MYRIP: variants seen among roughly 807,000 people sequenced by gnomAD.
MYRIP encodes the protein rab effector MyRIP.
In MYRIP, 49 loss-of-function variants were observed where a neutral mutation model predicts 98.0. The ratio of observed to expected loss-of-function variants is 0.50; its 90% CI spans 0.40 to 0.63. MYRIP has a LOEUF of 0.63. Ranked by LOEUF, MYRIP falls within the 30% of genes least tolerant of loss-of-function variation. The pLI, the probability that MYRIP is intolerant of heterozygous loss-of-function variation, is 0.00. For missense variants in MYRIP, 1,004 were observed against 1,058.2 expected, an observed-to-expected ratio of 0.95 and a Z score of 0.71; for synonymous variants, 404 against 409.5, an observed-to-expected ratio of 0.99 and a Z score of 0.16.
At chr3:40,227,387 ACTCTCTCT>A (rs139915991) in intron 11 of MYRIP, among the ~76,000 whole-genome samples, 2 of 143,082 alleles carry the variant, frequency 1.4e-5, no homozygotes, top group African/African-American at 5.2e-5. Context: ...ATGGAAATGT[ACTCTCTCT>A]CTCTCTCTCT....
At chr3:39,889,488 A>G (rs1417319123) in intron 1 of MYRIP, among the ~76,000 whole-genome samples, 1 of 152,128 alleles carries the variant, frequency 6.6e-6, no homozygotes, top group African/African-American at 2.4e-5. Flanking sequence ...ATGAGAACAC[A>G]TGGACACAGG....
At chr3:40,052,188 C>T (rs1947807084) in intron 3 of MYRIP, among the ~76,000 whole-genome samples, 1 of 151,958 alleles carries the variant, frequency 6.6e-6, no homozygotes, top group African/African-American at 2.4e-5. Flanking sequence ...TCCCTTCCTC[C>T]TCACTTCCTT....
rs183777061 is a variant in MYRIP, at chr3:40,159,404, C to T, written c.470-3326C>T. On this transcript the variant is annotated intron_variant, in intron 4 of 16. Transcript: ENST00000302541. ...GGCTTCCCTTTGAGGGTAACTGGAC[C>T]TTTCTCTCTGGCTGCCCTTAACATT... Among the ~76,000 whole-genome samples the T allele has an allele frequency of 1.9e-4, 29 of 152,252 alleles. No individual in the cohort carries two copies. In the East Asian group the frequency reaches 5.2e-3, roughly 27 times the overall value.
intron 2 of MYRIP, among the ~76,000 whole-genome samples, chr3:40,005,853 T>C (rs888930170): frequency 5.9e-5 from 9 of 152,220 alleles, no homozygotes; most frequent in Non-Finnish European, 1.2e-4. Flanking sequence ...AGATATATAA[T>C]GCATGCACAC....
At chr3:39,961,735 T>C (rs17067282) in intron 2 of MYRIP, among the ~76,000 whole-genome samples, 2,736 of 152,252 alleles carry the variant, frequency 0.018, 87 homozygotes, top group African/African-American at 0.062. Context: ...TTGCATTATT[T>C]CTACTCTTGA....
Position 40,259,678 on chromosome 3 carries a change from T to TG in MYRIP, c.*1517dup, listed in dbSNP as rs1953708766. The TG allele has an allele frequency of 6.6e-6, 1 of 152,284 alleles. No homozygotes were observed. Among genetic ancestry groups the TG allele is most frequent in the African/African-American group, 2.4e-5 (1 of 41,452 alleles). The allele number at this position is 152,284 out of a possible 1,614,324, so 9.4% of individuals were successfully genotyped here. ...CTTGTGTGCTATGATCCACTCCTGA[T>TG]GGGGGTCTACATTAATCTTCCAGTA... On this transcript the variant is annotated 3_prime_UTR_variant, in exon 17 of 17. Transcript: ENST00000302541.
Position 39,971,146 on chromosome 3 carries a change from G to A in MYRIP, c.110+70220G>A, listed in dbSNP as rs893421207. On this transcript the variant is annotated intron_variant, in intron 2 of 16. Transcript: ENST00000302541. Reference sequence around the variant, plus strand: ...CTTGTGGGAAGGCAAATAAAGGCTAGTTAGTAAAGCTTGTTAATGTAGATT... The same window carrying A: ...CTTGTGGGAAGGCAAATAAAGGCTAATTAGTAAAGCTTGTTAATGTAGATT... Among the ~76,000 whole-genome samples, 21 of 152,202 alleles carry A rather than the reference G, an allele frequency of 1.4e-4. 1 individual carries two copies. The highest frequency in any genetic ancestry group is 1.3e-3 in the Admixed American group (20 of 15,258).
intron 1 of MYRIP, among the ~76,000 whole-genome samples, chr3:39,872,089 T>C (rs1400086048): frequency 3.3e-5 from 5 of 152,054 alleles, no homozygotes; most frequent in Non-Finnish European, 7.4e-5. Context: ...TTTCTAATCT[T>C]CCAGCTTTAT....
chr3:40,235,236 A>G (rs915273106), intron 12 of MYRIP, among the ~76,000 whole-genome samples: 1 of 152,188 alleles, frequency 6.6e-6, no homozygotes, highest in African/African-American at 2.4e-5. Context: ...TATGCTCCCC[A>G]ATAAGGATGC....
intron 1 of MYRIP, among the ~76,000 whole-genome samples, chr3:39,851,037 G>T (rs1317137525): frequency 6.6e-6 from 1 of 152,116 alleles, no homozygotes; most frequent in Non-Finnish European, 1.5e-5. Context: ...CAAAAGCAGG[G>T]GATTGCAGGC....
intron 2 of MYRIP, among the ~76,000 whole-genome samples, chr3:40,009,867 C>T (rs1047898809): frequency 1.3e-5 from 2 of 152,180 alleles, no homozygotes; most frequent in Admixed American, 6.5e-5. Flanking sequence ...CGTTATTGGC[C>T]TCATATTGCA....
chr3:39,979,660 A>C lies in MYRIP; in HGVS notation c.111-64390A>C, dbSNP rs554424472. On this transcript the variant is annotated intron_variant, in intron 2 of 16. Transcript: ENST00000302541. ...TCTCAAAAACCAAAACAAAACAAAA[A>C]AAAAAAAACAAAAAAAAACTAAGCA... Among the ~76,000 whole-genome samples, 337 of 151,812 alleles carry C rather than the reference A, an allele frequency of 2.2e-3. 6 individuals carry two copies. The highest frequency in any genetic ancestry group is 0.018 in the East Asian group (93 of 5,144).
chr3:40,045,467 A>G (rs1241244284), intron 3 of MYRIP, among the ~76,000 whole-genome samples: 1 of 152,100 alleles, frequency 6.6e-6, no homozygotes, highest in Non-Finnish European at 1.5e-5. Context: ...TGCAACAACA[A>G]AGGGAAGGAG....
intron 7 of MYRIP, among the ~76,000 whole-genome samples, chr3:40,169,308 G>A (rs972269320): frequency 2.6e-5 from 4 of 152,136 alleles, no homozygotes; most frequent in African/African-American, 7.2e-5. Context: ...TGGCCTAAAG[G>A]AACATTGGAG....
chr3:39,885,237 T>TA (rs1559509163), intron 1 of MYRIP, among the ~76,000 whole-genome samples: 1 of 152,022 alleles, frequency 6.6e-6, no homozygotes, highest in Admixed American at 6.6e-5. Context: ...TTGCTGTTTT[T>TA]AAAAAAACTC....
intron 2 of MYRIP, among the ~76,000 whole-genome samples, chr3:39,911,713 C>T (rs1044468302): frequency 2.6e-5 from 4 of 152,202 alleles, no homozygotes; most frequent in Non-Finnish European, 4.4e-5. Flanking sequence ...GGCCTGAAAA[C>T]GCAGAGGAGG....
At chr3:39,956,028 GA>G (rs1161109449) in intron 2 of MYRIP, among the ~76,000 whole-genome samples, 5 of 151,982 alleles carry the variant, frequency 3.3e-5, no homozygotes. Flanking sequence ...ATTCATAAAG[GA>G]AGTCCTCAGA....
intron 2 of MYRIP, among the ~76,000 whole-genome samples, chr3:39,955,339 C>A (rs892353171): frequency 5.9e-5 from 9 of 152,306 alleles, no homozygotes; most frequent in East Asian, 1.9e-4. Context: ...TCTGCAGAAA[C>A]TCTACAAGCC....
At chr3:40,116,083 G>A (rs1949270546) in intron 3 of MYRIP, among the ~76,000 whole-genome samples, 1 of 152,198 alleles carries the variant, frequency 6.6e-6, no homozygotes, top group Admixed American at 6.5e-5. Flanking sequence ...GAAGCCAGCT[G>A]CAGTGCTCCC....
Sources: allele counts gnomAD v4.1 joint callset (sites outside exome capture counted in the v4.1 genomes callset), GRCh38; gene constraint gnomAD v4.1.1; transcripts MANE v1.5; gene names NCBI Gene and HGNC (gene_info 2026-07-23, HGNC 2026-07-21).